FANCI: variants seen among roughly 807,000 people sequenced by gnomAD.
FANCI encodes the protein FA complementation group I.
In FANCI, 156 loss-of-function variants were observed where a neutral mutation model predicts 176.1. That is an observed-to-expected ratio of 0.89 (90% CI 0.78 to 1.01). The LOEUF is 1.01. FANCI is among the 50% of genes least tolerant of loss of function. The probability of loss-of-function intolerance (pLI) is 0.00; values close to 1 mark genes in which losing one functional copy is unlikely to be tolerated. For missense variants in FANCI, 1,678 were observed against 1,534.1 expected (o/e 1.09, Z -1.57); for synonymous variants, 613 against 541.7 (o/e 1.13, Z -1.83).
intron 19 of FANCI, among the ~76,000 whole-genome samples, chr15:89,291,318 C>T (rs2054059741): frequency 6.6e-6 from 1 of 152,132 alleles, no homozygotes; most frequent in Non-Finnish European, 1.5e-5. Flanking sequence ...GCCAGTCTGA[C>T]TCTGGATCCT....
intron 32 of FANCI, among the ~76,000 whole-genome samples, chr15:89,306,707 A>T (rs560448338): frequency 6.6e-6 from 1 of 152,230 alleles, no homozygotes; most frequent in Admixed American, 6.5e-5. Context: ...TTAAAAAAAT[A>T]AAGTAAAAAT....
intron 34 of FANCI, among the ~76,000 whole-genome samples, chr15:89,312,088 C>T (rs1242849049): frequency 6.6e-6 from 1 of 152,168 alleles, no homozygotes; most frequent in Non-Finnish European, 1.5e-5. Context: ...ACCCATTGCA[C>T]ATAAAATATA....
At chr15:89,298,097 A>C (rs948855707) in intron 24 of FANCI, among the ~76,000 whole-genome samples, 2 of 152,162 alleles carry the variant, frequency 1.3e-5, no homozygotes, top group Non-Finnish European at 1.5e-5. Context: ...ACAAAAAAAA[A>C]CCAGTAGATA....
intron 13 of FANCI, among the ~76,000 whole-genome samples, chr15:89,278,104 C>T (rs1347225653): frequency 1.3e-5 from 2 of 152,106 alleles, no homozygotes; most frequent in African/African-American, 4.8e-5. Flanking sequence ...ACATGGATGT[C>T]GGCTTTATCA....
chr15:89,276,326 C>T (rs1430693558), intron 12 of FANCI, among the ~76,000 whole-genome samples: 1 of 152,240 alleles, frequency 6.6e-6, no homozygotes, highest in Non-Finnish European at 1.5e-5. Context: ...TGACCTCTCT[C>T]CTAGAGAATC....
chr15:89,245,172 C>CTTTTTTTTTTTTTT (rs1354260784), intron 1 of FANCI: 1 of 122,544 alleles, frequency 8.2e-6, no homozygotes, highest in African/African-American at 3.2e-5. Flanking sequence ...CTTTTCTTTT[C>CTTTTTTTTTTTTTT]TTTTCTTTTT....
chr15:89,316,198 A>C, intron 37 of FANCI, 199 bp from the exon 38 acceptor site: 2 of 612,232 alleles, frequency 3.3e-6, no homozygotes, highest in Admixed American at 2.9e-5. Flanking sequence ...AGGAGGTGCC[A>C]CTGTCTTATT....
At chr15:89,273,628 C>T (rs2053292478) in intron 11 of FANCI, among the ~76,000 whole-genome samples, 159 bp downstream of exon 11, 1 of 151,856 alleles carries the variant, frequency 6.6e-6, no homozygotes, top group Non-Finnish European at 1.5e-5. Context: ...TATGTCCCCT[C>T]TGTTCTCTGG....
At position 89,247,966 on chromosome 15, in the gene FANCI, A is replaced by C. The variant is rs150624835; in HGVS notation, c.84+235A>C. Among the ~76,000 whole-genome samples, 920 of 152,340 alleles carry C rather than the reference A, an allele frequency of 6.0e-3. 8 individuals carry two copies. The highest frequency in any genetic ancestry group is 0.018 in the African/African-American group (761 of 41,574). ...AAGTTTAAACCTGAAATAGTTTAAG[A>C]ATAGAATGCTTTTACAACTGTATTT... On this transcript the variant is annotated intron_variant, in intron 2 of 37. Coordinates refer to ENST00000310775, the MANE Select transcript of FANCI (RefSeq NM_001113378.2).
intron 26 of FANCI, among the ~76,000 whole-genome samples, chr15:89,300,665 G>A (rs762920654): frequency 6.6e-6 from 1 of 152,228 alleles, no homozygotes; most frequent in Non-Finnish European, 1.5e-5. Context: ...AAGGCATAGA[G>A]TCTGTGTTTT....
intron 2 of FANCI, among the ~76,000 whole-genome samples, chr15:89,258,403 A>C (rs576441296): frequency 1.3e-5 from 2 of 152,238 alleles, no homozygotes; most frequent in East Asian, 3.9e-4. Flanking sequence ...GTTCATCTTT[A>C]TAACATGCCT....
At chr15:89,272,787 A>G (rs868506438) in intron 10 of FANCI, among the ~76,000 whole-genome samples, 23 of 152,148 alleles carry the variant, frequency 1.5e-4, no homozygotes, top group African/African-American at 5.1e-4. Context: ...CTCCTGCCTC[A>G]ACCTCCCGAG....
At chr15:89,298,619 A>G (rs1404827289) in intron 24 of FANCI, among the ~76,000 whole-genome samples, 1 of 152,184 alleles carries the variant, frequency 6.6e-6, no homozygotes, top group Non-Finnish European at 1.5e-5. Context: ...CAAAAGCACA[A>G]CTATGAAGAA....
chr15:89,260,612 A>T, intron 3 of FANCI, 101 bp from the exon 4 acceptor site: 1 of 1,465,330 alleles, frequency 6.8e-7, no homozygotes, highest in East Asian at 2.3e-5. Context: ...GTCGTTTGAT[A>T]ATTCTGTTTT....
At chr15:89,253,426 A>G (rs1308617087) in intron 2 of FANCI, among the ~76,000 whole-genome samples, 1 of 152,130 alleles carries the variant, frequency 6.6e-6, no homozygotes, top group Non-Finnish European at 1.5e-5. Flanking sequence ...AGGTGGGAAG[A>G]TCGCTTGAGC....
chr15:89,295,841 T>C (rs1360183400), intron 24 of FANCI, among the ~76,000 whole-genome samples: 1 of 151,130 alleles, frequency 6.6e-6, no homozygotes, highest in Non-Finnish European at 1.5e-5. Context: ...TGGTGCAATC[T>C]CGGCTCACTA....
intron 22 of FANCI, among the ~76,000 whole-genome samples, chr15:89,293,329 T>C: frequency 6.6e-6 from 1 of 152,192 alleles, no homozygotes; most frequent in East Asian, 1.9e-4. Flanking sequence ...ACTCCTAATT[T>C]TAACATGGAA....
At chr15:89,301,512 G>A (rs1327230967) in intron 27 of FANCI, 70 bp downstream of exon 27, 17 of 1,049,282 alleles carry the variant, frequency 1.6e-5, no homozygotes, top group Non-Finnish European at 2.6e-5. Flanking sequence ...TCATAAAAGT[G>A]TATATCTAAA....
At chr15:89,253,002 G>A (rs1383313485) in intron 2 of FANCI, among the ~76,000 whole-genome samples, 1 of 152,172 alleles carries the variant, frequency 6.6e-6, no homozygotes, top group East Asian at 1.9e-4. Context: ...GGGAAAAGCT[G>A]AAAAGAGCTC....
Sources: gnomAD v4.1 joint callset for allele counts (sites outside exome capture counted in the v4.1 genomes callset) on GRCh38, gnomAD v4.1.1 for gene constraint, MANE v1.5 for transcripts, NCBI Gene and HGNC (gene_info 2026-07-23, HGNC 2026-07-21) for gene names.